LPP: variants seen among roughly 807,000 people sequenced by gnomAD.
LPP encodes the protein LIM domain containing preferred translocation partner in lipoma.
Under a neutral mutation model 60.4 loss-of-function variants are expected in LPP, and 38 were observed. That is an observed-to-expected ratio of 0.63 (90% CI 0.49 to 0.83). The LOEUF (loss-of-function observed/expected upper bound fraction) is 0.83. Among genes scored for constraint, LPP ranks in the 40% least tolerant of loss-of-function variants. The pLI is 0.00. For missense variants in LPP, 902 were observed against 783.6 expected (o/e 1.15, Z -1.80); for synonymous variants, 328 against 290.8 (o/e 1.13, Z -1.30).
intron 7 of LPP, among the ~76,000 whole-genome samples, chr3:188,685,634 T>G (rs1020019097): frequency 3.1e-4 from 47 of 152,154 alleles, no homozygotes; most frequent in African/African-American, 1.1e-3. Context: ...GAAAGCTAAC[T>G]GCTAAACTTG....
chr3:188,267,498 T>C (rs1735998268), intron 2 of LPP, among the ~76,000 whole-genome samples: 1 of 152,176 alleles, frequency 6.6e-6, no homozygotes, highest in Non-Finnish European at 1.5e-5. Context: ...TGCAGTTAAA[T>C]GGTGGTGCTG....
At chr3:188,431,128 T>C (rs2149149196) in intron 4 of LPP, among the ~76,000 whole-genome samples, 1 of 152,278 alleles carries the variant, frequency 6.6e-6, no homozygotes. Flanking sequence ...GGTTGTCATC[T>C]GGAATGACTG....
chr3:188,728,221 A>G (rs1719134047), intron 8 of LPP, among the ~76,000 whole-genome samples: 1 of 152,166 alleles, frequency 6.6e-6, no homozygotes, highest in Admixed American at 6.6e-5. Context: ...GCCATACCCC[A>G]CGTGTGATGA....
chr3:188,204,814 T>G (rs1221033388), intron 1 of LPP, among the ~76,000 whole-genome samples: 1 of 152,188 alleles, frequency 6.6e-6, no homozygotes, highest in Non-Finnish European at 1.5e-5. Flanking sequence ...TCCTCCACAG[T>G]CTTGGGTGTC....
At chr3:188,351,180 G>A (rs1011850586) in intron 3 of LPP, among the ~76,000 whole-genome samples, 4 of 152,194 alleles carry the variant, frequency 2.6e-5, no homozygotes, top group African/African-American at 9.7e-5. Flanking sequence ...CAGACATAGT[G>A]CTCAGTAGAG....
At chr3:188,440,483 A>G (rs771347122) in intron 4 of LPP, among the ~76,000 whole-genome samples, 6 of 152,196 alleles carry the variant, frequency 3.9e-5, no homozygotes, top group Admixed American at 2.6e-4. Flanking sequence ...GAGAAGAGAC[A>G]TGCAGTCTAG....
intron 7 of LPP, among the ~76,000 whole-genome samples, chr3:188,679,516 ACT>A (rs1304543315): frequency 5.9e-5 from 7 of 118,140 alleles, no homozygotes; most frequent in African/African-American, 2.4e-4. Flanking sequence ...AACTTTGAAT[ACT>A]CTGTGTGTGT....
intron 8 of LPP, among the ~76,000 whole-genome samples, chr3:188,715,955 TG>T (rs1713804231): frequency 1.3e-5 from 2 of 152,234 alleles, no homozygotes; most frequent in African/African-American, 4.8e-5. Flanking sequence ...AGCATAGAGC[TG>T]TAATTATCTT....
chr3:188,744,330 T>C (rs796952022), intron 8 of LPP, among the ~76,000 whole-genome samples: 2 of 152,142 alleles, frequency 1.3e-5, no homozygotes, highest in African/African-American at 4.8e-5. Context: ...GCGGAAGCTG[T>C]TTCTTACCTT....
At chr3:188,329,664 A>G (rs1172375401) in intron 2 of LPP, among the ~76,000 whole-genome samples, 1 of 152,120 alleles carries the variant, frequency 6.6e-6, no homozygotes, top group African/African-American at 2.4e-5. Context: ...AACCTTTTGC[A>G]TATTTTCCCT....
At chr3:188,176,770 A>C (rs1723157358) in intron 1 of LPP, among the ~76,000 whole-genome samples, 1 of 152,158 alleles carries the variant, frequency 6.6e-6, no homozygotes, top group Non-Finnish European at 1.5e-5. Flanking sequence ...CCTGGCCCTT[A>C]GTGTACACAT....
At chr3:188,373,610 C>G (rs1773973554) in intron 3 of LPP, among the ~76,000 whole-genome samples, 1 of 151,792 alleles carries the variant, frequency 6.6e-6, no homozygotes, top group African/African-American at 2.4e-5. Flanking sequence ...GATATTAGCC[C>G]TTTGTCAGAT....
At chr3:188,164,614 ACT>A (rs992223163) in intron 1 of LPP, among the ~76,000 whole-genome samples, 12 of 152,148 alleles carry the variant, frequency 7.9e-5, no homozygotes, top group African/African-American at 2.9e-4. Context: ...GGAAAGGCAA[ACT>A]CTGCCCTGGC....
At chr3:188,675,793 A>T (rs192138724) in intron 7 of LPP, among the ~76,000 whole-genome samples, 31 of 152,360 alleles carry the variant, frequency 2.0e-4, no homozygotes, top group African/African-American at 7.5e-4. Context: ...CCATTTTAAT[A>T]TGTATCAGAA....
rs1375040411 is a variant in LPP at position 188,882,368 on chromosome 3, G to C, written c.*7889G>C. The C allele has an allele frequency of 1.8e-5, 4 of 225,576 alleles. No individual in the cohort carries two copies. 14.0% of individuals were successfully genotyped at this position (225,576 alleles called of 1,614,324 possible). A position where few individuals can be genotyped will look rare whatever the true frequency, so the allele number is the denominator to read the frequency against. On this transcript the variant is annotated 3_prime_UTR_variant, in exon 12 of 12. Transcript: ENST00000617246. Reference sequence around the variant, plus strand: ...AATTCCTTCTTAACAGAAAAAAAAGGCTTCCAAATAATCAGGCTGAATGGG... The same window carrying C: ...AATTCCTTCTTAACAGAAAAAAAAGCCTTCCAAATAATCAGGCTGAATGGG...
intron 9 of LPP, among the ~76,000 whole-genome samples, chr3:188,846,358 T>A (rs1018988287): frequency 6.6e-6 from 1 of 152,028 alleles, no homozygotes; most frequent in Non-Finnish European, 1.5e-5. Context: ...AAGGATAACA[T>A]GAAGAGAGGT....
At chr3:188,533,611 T>TGTAGAAACCTC (rs1822790195) in intron 6 of LPP, among the ~76,000 whole-genome samples, 2 of 152,202 alleles carry the variant, frequency 1.3e-5, no homozygotes, top group Non-Finnish European at 1.5e-5. Flanking sequence ...GTTGAAACCT[T>TGTAGAAACCTC]GTAGAAACCT....
chr3:188,462,566 ATATATATATATATATATATGCATGTG>A (rs1799291943), intron 4 of LPP, among the ~76,000 whole-genome samples: 4 of 51,840 alleles, frequency 7.7e-5, no homozygotes, highest in African/African-American at 1.9e-4. Context: ...ATATATATAT[ATATATATATATATATATATGCATGTG>A]TGTGTGTGTG....
chr3:188,414,633 A>G (rs536916032), intron 4 of LPP, among the ~76,000 whole-genome samples: 2 of 152,332 alleles, frequency 1.3e-5, no homozygotes, highest in African/African-American at 2.4e-5. Flanking sequence ...CTTAAAAGTT[A>G]TCTAATACAA....
Sources: gnomAD v4.1 joint callset for allele counts (sites outside exome capture counted in the v4.1 genomes callset) on GRCh38, gnomAD v4.1.1 for gene constraint, MANE v1.5 for transcripts, NCBI Gene and HGNC (gene_info 2026-07-23, HGNC 2026-07-21) for gene names.